LCA5L: variants seen among roughly 807,000 people sequenced by gnomAD.
LCA5L encodes the protein lebercilin-like protein.
LCA5L carries 35 observed loss-of-function variants against 45.4 expected under a neutral mutation model. The ratio of observed to expected loss-of-function variants is 0.77; its 90% CI spans 0.59 to 1.02. LCA5L has a LOEUF of 1.02. LCA5L is among the 50% of genes least tolerant of loss of function. The pLI is 0.00. For missense variants in LCA5L, 668 were observed against 761.6 expected (o/e 0.88, Z 1.45); for synonymous variants, 233 against 264.7 (o/e 0.88, Z 1.16).
At chr21:39,429,968 T>C (rs1193237047) in intron 3 of LCA5L, among the ~76,000 whole-genome samples, 1 of 152,168 alleles carries the variant, frequency 6.6e-6, no homozygotes, top group Non-Finnish European at 1.5e-5. Flanking sequence ...TGAGCTGTGA[T>C]CGCGGCACTG....
rs115213631 is a variant in LCA5L at position 39,434,857 on chromosome 21, C to T, written c.-92+563G>A. Among the ~76,000 whole-genome samples, 853 of 152,240 alleles carry T rather than the reference C, an allele frequency of 5.6e-3. 2 individuals are homozygous for T. Among genetic ancestry groups the T allele is most frequent in the Middle Eastern group, 0.014 (4 of 292 alleles). ...TTAATTAATATGTTCAGTCAAAGAA[C>T]ATTTATTTAGTGTCTTCCAGGGTCT... On this transcript the variant is annotated intron_variant, in intron 3 of 10. Transcript: ENST00000288350.
chr21:39,441,782 A>G (rs1371128392), intron 2 of LCA5L, among the ~76,000 whole-genome samples: 1 of 152,210 alleles, frequency 6.6e-6, no homozygotes, highest in Non-Finnish European at 1.5e-5. Flanking sequence ...ACCCTGACAC[A>G]ACATTCTTTT....
intron 1 of LCA5L, chr21:39,444,857 G>C (rs975846892): frequency 2.0e-5 from 3 of 152,212 alleles, no homozygotes; most frequent in African/African-American, 7.2e-5. Flanking sequence ...GGACAGGCTT[G>C]GCTTGGGGAA....
At chr21:39,445,315 T>C (rs1391909889) in intron 1 of LCA5L, 1 of 152,136 alleles carries the variant, frequency 6.6e-6, no homozygotes, top group Non-Finnish European at 1.5e-5. Context: ...AAACAGCAAG[T>C]AAGCAGAGGC....
chr21:39,426,214 G>T (rs1304685204), intron 5 of LCA5L, among the ~76,000 whole-genome samples: 1 of 152,066 alleles, frequency 6.6e-6, no homozygotes, highest in Non-Finnish European at 1.5e-5. Flanking sequence ...CTTCAGAAAG[G>T]TAAGTACACC....
At position 39,423,266 on chromosome 21, in the gene LCA5L, AATGCCT is replaced by A; in HGVS notation, c.541_546del (p.Arg181_His182del). 1 of 1,610,078 alleles carries A rather than the reference AATGCCT, an allele frequency of 6.2e-7. No homozygotes were observed. The highest frequency in any genetic ancestry group is 8.5e-7 in the Non-Finnish European group (1 of 1,179,094). Reference sequence around the variant, plus strand: ...TTCTCATATTTTCCTATAGCTTTCAAATGCCTAAGCTGAAGTTGTTTCAAAAATTGG... The same window carrying A: ...TTCTCATATTTTCCTATAGCTTTCAAAAGCTGAAGTTGTTTCAAAAATTGG... On this transcript the variant is annotated inframe_deletion, in exon 6 of 11. Transcript: ENST00000288350.
intron 5 of LCA5L, among the ~76,000 whole-genome samples, chr21:39,427,479 G>A (rs1049195880): frequency 1.3e-4 from 20 of 151,924 alleles, no homozygotes; most frequent in Non-Finnish European, 2.8e-4. Flanking sequence ...TGGCTAACAC[G>A]GTGAAACCCT....
intron 2 of LCA5L, among the ~76,000 whole-genome samples, chr21:39,437,845 GAAT>G (rs764617180): frequency 3.3e-5 from 5 of 152,058 alleles, no homozygotes; most frequent in Non-Finnish European, 7.4e-5. Flanking sequence ...AGTTTACTAC[GAAT>G]AATATGAAGG....
At chr21:39,410,399 A>G in intron 8 of LCA5L, 32 bp from the exon 9 acceptor site, 1 of 1,123,966 alleles carries the variant, frequency 8.9e-7, no homozygotes, top group South Asian at 1.4e-5. Context: ...TGTAAGAAAC[A>G]TATTTTACAT....
intron 2 of LCA5L, among the ~76,000 whole-genome samples, chr21:39,437,913 A>G (rs564943344): frequency 6.6e-5 from 10 of 152,230 alleles, no homozygotes; most frequent in African/African-American, 2.2e-4. Context: ...TTTTGTTCTT[A>G]TATCAAAAGG....
Position 39,409,224 on chromosome 21 carries a change from C to A in LCA5L, c.1282+755G>T, listed in dbSNP as rs554405200. Among the ~76,000 whole-genome samples the A allele has an allele frequency of 6.6e-6, 1 of 152,058 alleles. No homozygotes were observed. The highest frequency in any genetic ancestry group is 6.6e-5 in the Admixed American group (1 of 15,266). ...CGCCACATGAAGACATAGTGAGAAG[C>A]GGGACATCTAAAGCCAGGAAGAGGG... On this transcript the variant is annotated intron_variant, in intron 10 of 10. Transcript: ENST00000288350. This position sits in a 1 kb window ranked among gnomAD's most constrained non-coding sequence, Gnocchi z 4.2.
intron 6 of LCA5L, 109 bp from the exon 7 acceptor site, chr21:39,420,952 T>C (rs2042196017): frequency 1.3e-6 from 1 of 799,338 alleles, no homozygotes; most frequent in Non-Finnish European, 2.0e-6. Context: ...TTCAATACAA[T>C]TTTAGTGAAT....
At chr21:39,440,941 A>G (rs937231771) in intron 2 of LCA5L, among the ~76,000 whole-genome samples, 2 of 152,230 alleles carry the variant, frequency 1.3e-5, no homozygotes, top group Admixed American at 1.3e-4. Context: ...GGTTTTCAAG[A>G]ACATTATTTC....
At chr21:39,415,030 T>A (rs2040888083) in intron 7 of LCA5L, among the ~76,000 whole-genome samples, 1 of 151,934 alleles carries the variant, frequency 6.6e-6, no homozygotes, top group African/African-American at 2.4e-5. Flanking sequence ...GCCTCTGGAG[T>A]AGCTGGGATT....
intron 1 of LCA5L, 44 bp downstream of exon 1, chr21:39,445,681 G>A (rs1001739921): frequency 3.3e-5 from 5 of 152,542 alleles, no homozygotes; most frequent in African/African-American, 1.2e-4. Flanking sequence ...GGCTGTAACA[G>A]GGTAACCGGC....
chr21:39,426,039 G>T (rs2074640693), intron 5 of LCA5L: 1 of 152,274 alleles, frequency 6.6e-6, no homozygotes, highest in South Asian at 2.1e-4. Flanking sequence ...GAACATGTAA[G>T]TGGTAAAAAT....
chr21:39,410,192 A>T, intron 9 of LCA5L, 72 bp downstream of exon 9: 3 of 1,239,364 alleles, frequency 2.4e-6, no homozygotes, highest in Non-Finnish European at 3.5e-6. Flanking sequence ...TTTCACATAG[A>T]ACAAGTGACT....
chr21:39,442,520 T>C (rs2076972164), intron 2 of LCA5L, among the ~76,000 whole-genome samples: 2 of 152,082 alleles, frequency 1.3e-5, no homozygotes, highest in African/African-American at 4.8e-5. Context: ...GACAAGCTGG[T>C]ACAGGACTGC....
intron 5 of LCA5L, among the ~76,000 whole-genome samples, chr21:39,425,322 A>C (rs2074481608): frequency 6.6e-6 from 1 of 152,164 alleles, no homozygotes; most frequent in African/African-American, 2.4e-5. Flanking sequence ...GAAACAATGA[A>C]CCAAGAGAGC....
Sources: gnomAD v4.1 joint callset for allele counts (sites outside exome capture counted in the v4.1 genomes callset) on GRCh38, gnomAD v4.1.1 for gene constraint, Gnocchi (gnomAD v3.1) non-coding constraint, MANE v1.5 for transcripts, NCBI Gene and HGNC (gene_info 2026-07-23, HGNC 2026-07-21) for gene names.